Variants in SORCS2 observed in about 807,000 individuals in gnomAD.
The protein encoded by SORCS2 is VPS10 domain-containing receptor SorCS2.
A neutral mutation model predicts 141.6 loss-of-function variants in SORCS2; 100 were observed. The ratio of observed to expected loss-of-function variants is 0.71; its 90% confidence interval spans 0.60 to 0.83. SORCS2 has a LOEUF of 0.83. Among genes scored for constraint, SORCS2 ranks in the 40% least tolerant of loss-of-function variants. SORCS2 has a pLI of 0.00. For missense variants in SORCS2, 1,646 were observed against 1,560.2 expected, an observed-to-expected ratio of 1.05 and a Z score of -0.93; for synonymous variants, 789 against 676.9, an observed-to-expected ratio of 1.17 and a Z score of -2.57.
intron 2 of SORCS2, among the ~76,000 whole-genome samples, chr4:7,507,216 C>T (rs1732324723): frequency 7.3e-6 from 1 of 137,352 alleles, no homozygotes; most frequent in South Asian, 2.1e-4. Context: ...TGCTCTGTGG[C>T]CAGGCTGGAG....
chr4:7,697,887 C>T (rs760437202), intron 12 of SORCS2, among the ~76,000 whole-genome samples: 3 of 152,174 alleles, frequency 2.0e-5, no homozygotes, highest in Non-Finnish European at 4.4e-5. Context: ...CAGGATGCGG[C>T]CACTCCCACC....
At chr4:7,272,305 A>G (rs1715199584) in intron 1 of SORCS2, among the ~76,000 whole-genome samples, 1 of 152,230 alleles carries the variant, frequency 6.6e-6, no homozygotes, top group African/African-American at 2.4e-5. Context: ...ATTTCATATC[A>G]TCTAAAAACT....
chr4:7,448,730 C>T (rs111161306), intron 2 of SORCS2, among the ~76,000 whole-genome samples: 2 of 92,022 alleles, frequency 2.2e-5, no homozygotes, highest in African/African-American at 9.0e-5. Context: ...TCCTCCCTCC[C>T]TTCCGTACTT....
intron 3 of SORCS2, among the ~76,000 whole-genome samples, chr4:7,540,643 G>C (rs1317904962): frequency 6.6e-6 from 1 of 152,214 alleles, no homozygotes; most frequent in African/African-American, 2.4e-5. Flanking sequence ...CCGAGGGTCT[G>C]GCCAGCATCA....
intron 2 of SORCS2, among the ~76,000 whole-genome samples, chr4:7,458,378 G>A (rs567912538): frequency 1.3e-5 from 2 of 152,228 alleles, no homozygotes; most frequent in South Asian, 2.1e-4. Flanking sequence ...CTGGTCTTGC[G>A]TGTTAATGCT....
At chr4:7,258,930 A>C (rs1467094780) in intron 1 of SORCS2, among the ~76,000 whole-genome samples, 4 of 152,174 alleles carry the variant, frequency 2.6e-5, no homozygotes, top group African/African-American at 9.7e-5. Context: ...TCTTCTTTTG[A>C]GAAGTGTCTG....
chr4:7,543,767 T>C lies in SORCS2; in HGVS notation c.648+12138T>C, dbSNP rs1241130111. ...ACCCATCCACCCATCCACCCACCCA[T>C]CCGTCCATCCATCCACTCATCCATC... On this transcript the variant is annotated intron_variant, in intron 3 of 26. Transcript: ENST00000507866. 1.0e-4 allele frequency among the ~76,000 whole-genome samples: 6 copies of C among 59,302 alleles called. No individual in the cohort carries two copies. The East Asian group carries it at 2.9e-3, about 29-fold the overall frequency. 38.9% of individuals were successfully genotyped at this position (59,302 alleles called of 152,430 possible).
chr4:7,366,115 G>A (rs983609043), intron 1 of SORCS2, among the ~76,000 whole-genome samples: 1 of 152,136 alleles, frequency 6.6e-6, no homozygotes, highest in Admixed American at 6.5e-5. Flanking sequence ...GGGGGGTGGT[G>A]GCACAGGCTC....
intron 1 of SORCS2, among the ~76,000 whole-genome samples, chr4:7,198,787 G>A (rs982801934): frequency 2.6e-5 from 4 of 152,174 alleles, no homozygotes; most frequent in African/African-American, 4.8e-5. Context: ...CCATGAGGGA[G>A]CCGGGGACTC....
At chr4:7,365,183 C>A (rs564905018) in intron 1 of SORCS2, among the ~76,000 whole-genome samples, 1 of 152,306 alleles carries the variant, frequency 6.6e-6, no homozygotes, top group East Asian at 1.9e-4. Flanking sequence ...TGAGAGGCCA[C>A]GGAGGTGAGC....
chr4:7,367,299 G>A (rs574890759), intron 1 of SORCS2, among the ~76,000 whole-genome samples: 1 of 152,296 alleles, frequency 6.6e-6, no homozygotes, highest in African/African-American at 2.4e-5. Flanking sequence ...ATGGTGACCC[G>A]GCAAATTCAC....
chr4:7,497,094 G>A (rs1399371141), intron 2 of SORCS2, among the ~76,000 whole-genome samples: 1 of 152,276 alleles, frequency 6.6e-6, no homozygotes, highest in Admixed American at 6.5e-5. Context: ...GGTCAGAGTG[G>A]CAAAGAGAGA....
intron 2 of SORCS2, among the ~76,000 whole-genome samples, chr4:7,512,479 G>C (rs762967802): frequency 6.6e-6 from 1 of 152,028 alleles, no homozygotes; most frequent in Non-Finnish European, 1.5e-5. Context: ...AGTGTCCCTA[G>C]AGGGCTGGGG....
rs1481528148 is a variant in SORCS2, at chr4:7,638,366, G to C, written c.687G>C (p.Gln229His). 2 of 1,541,826 alleles carry C rather than the reference G, an allele frequency of 1.3e-6. No individual in the cohort carries two copies. Among genetic ancestry groups the C allele is most frequent in the African/African-American group, 2.8e-5 (2 of 71,134 alleles). Residue 229 changes from glutamine to histidine, a missense_variant, in exon 4 of 27, where the codon CAG becomes CAC. By Grantham distance (24) the Gln-to-His change is conservative. Transcript: ENST00000507866. Reference protein sequence around the residue: ...LVSSSLSDRDQSLFLSADEGA... With the variant: ...LVSSSLSDRDHSLFLSADEGA... ...GCTCCTCACTCAGTGACCGGGACCA[G>C]AGCCTATTCCTCAGCGCAGACGAAG...
chr4:7,455,636 CCGTGTTGGGGTCAGGCTT>C (rs1212519403), intron 2 of SORCS2, among the ~76,000 whole-genome samples: 1 of 138,624 alleles, frequency 7.2e-6, no homozygotes, highest in Admixed American at 7.3e-5. Context: ...GGGTCAGGCG[CCGTGTTGGGGTCAGGCTT>C]CGTGTTGGGG....
chr4:7,627,200 G>T (rs1001275256), intron 3 of SORCS2, among the ~76,000 whole-genome samples: 3 of 152,114 alleles, frequency 2.0e-5, no homozygotes, highest in Non-Finnish European at 2.9e-5. Context: ...GCCCAGGCTG[G>T]TCTCAAACTC....
intron 1 of SORCS2, among the ~76,000 whole-genome samples, chr4:7,371,219 C>T (rs1722225929): frequency 6.6e-6 from 1 of 152,136 alleles, no homozygotes; most frequent in South Asian, 2.1e-4. Flanking sequence ...GGGATCGTGC[C>T]CACGTGTGTA....
At chr4:7,592,651 G>A (rs188548429) in intron 3 of SORCS2, among the ~76,000 whole-genome samples, 154 of 152,322 alleles carry the variant, frequency 1.0e-3, no homozygotes, top group Middle Eastern at 3.4e-3. Flanking sequence ...TGGGGTCCCC[G>A]AATGACTGTG....
At chr4:7,253,064 G>GC (rs1213777120) in intron 1 of SORCS2, among the ~76,000 whole-genome samples, 11 of 152,240 alleles carry the variant, frequency 7.2e-5, no homozygotes, top group Non-Finnish European at 1.5e-4. Context: ...GCTGGGCTCA[G>GC]CCCCCCATGG....
Sources: gnomAD v4.1 joint callset for allele counts (sites outside exome capture counted in the v4.1 genomes callset) on GRCh38, gnomAD v4.1.1 for gene constraint, MANE v1.5 for transcripts, NCBI Gene and HGNC (gene_info 2026-07-23, HGNC 2026-07-21) for gene names.